CTTNBP2NL: variants seen among roughly 807,000 people sequenced by gnomAD.
The protein encoded by CTTNBP2NL is CTTNBP2 N-terminal like, also known as CTTNBP2 N-terminal-like protein.
Under a neutral mutation model 32.5 loss-of-function variants are expected in CTTNBP2NL, and 16 were observed. The ratio of observed to expected loss-of-function variants is 0.49; its 90% CI spans 0.33 to 0.75. The LOEUF is 0.75. Among genes scored for constraint, CTTNBP2NL ranks in the 30% least tolerant of loss-of-function variants. The pLI, the probability that CTTNBP2NL is intolerant of heterozygous loss-of-function variation, is 0.02. For missense variants in CTTNBP2NL, 645 were observed against 756.0 expected (o/e 0.85, Z 1.72); for synonymous variants, 298 against 289.4 (o/e 1.03, Z -0.30).
intron 1 of CTTNBP2NL, among the ~76,000 whole-genome samples, chr1:112,409,344 T>C (rs1033073462): frequency 4.6e-5 from 7 of 152,132 alleles, no homozygotes; most frequent in African/African-American, 1.2e-4. Context: ...TAAAAAGTGA[T>C]TTTTATCCAG....
chr1:112,406,828 G>C (rs1346776489), intron 1 of CTTNBP2NL, among the ~76,000 whole-genome samples: 1 of 152,096 alleles, frequency 6.6e-6, no homozygotes, highest in Non-Finnish European at 1.5e-5. Context: ...AATGTAAATA[G>C]AGCACTATGT....
At chr1:112,432,356 G>A (rs570894139) in intron 3 of CTTNBP2NL, among the ~76,000 whole-genome samples, 33 of 151,958 alleles carry the variant, frequency 2.2e-4, no homozygotes, top group African/African-American at 6.5e-4. Context: ...CCACCGCGCC[G>A]GGCCTATAGT....
At chr1:112,391,518 T>TA, upstream of CTTNBP2NL, among the ~76,000 whole-genome samples, 1 of 152,160 alleles carries the variant, frequency 6.6e-6, no homozygotes, top group Non-Finnish European at 1.5e-5. Flanking sequence ...CCCAGGTAGC[T>TA]AATACTTCCA....
chr1:112,406,285 A>G (rs191786039), intron 1 of CTTNBP2NL, among the ~76,000 whole-genome samples: 1 of 152,228 alleles, frequency 6.6e-6, no homozygotes, highest in Non-Finnish European at 1.5e-5. Flanking sequence ...GCTGAATTAG[A>G]TTATTGCTGA....
chr1:112,456,443 T>G lies in CTTNBP2NL; in HGVS notation c.951T>G (p.Phe317Leu). Reference protein sequence around the residue: ...LMSVFCQTESFPAERTHGSNI... With the variant: ...LMSVFCQTESLPAERTHGSNI... Reference sequence around the variant, plus strand: ...CTGTGTTTTGCCAAACAGAGAGTTTTCCAGCAGAAAGAACCCATGGGAGCA... The same window carrying G: ...CTGTGTTTTGCCAAACAGAGAGTTTGCCAGCAGAAAGAACCCATGGGAGCA... Residue 317 changes from phenylalanine to leucine, a missense_variant, in exon 6 of 6, where the codon TTT becomes TTG. Physicochemically the swap from Phe to Leu is conservative, Grantham distance 22 (BLOSUM62 0). Transcript: ENST00000271277. The G allele has an allele frequency of 6.2e-7, 1 of 1,614,096 alleles. No individual in the cohort carries two copies. The highest frequency in any genetic ancestry group is 1.1e-5 in the South Asian group (1 of 91,072).
intron 3 of CTTNBP2NL, among the ~76,000 whole-genome samples, chr1:112,443,323 C>G (rs967350779): frequency 1.3e-5 from 2 of 152,198 alleles, no homozygotes; most frequent in Non-Finnish European, 2.9e-5. Context: ...AAGTGATTCT[C>G]GTGCCTCAGC....
At chr1:112,445,603 A>G (rs931452976) in intron 3 of CTTNBP2NL, among the ~76,000 whole-genome samples, 3 of 152,214 alleles carry the variant, frequency 2.0e-5, no homozygotes, top group Non-Finnish European at 4.4e-5. Flanking sequence ...TCTTGAGGTT[A>G]TTCCACAGAT....
intron 2 of CTTNBP2NL, 50 bp downstream of exon 2, chr1:112,412,367 A>G (rs1482741966): frequency 6.6e-6 from 1 of 152,154 alleles, no homozygotes; most frequent in East Asian, 1.9e-4. Context: ...CTAAAATCTA[A>G]TGCAATTTTA....
In CTTNBP2NL at chr1:112,433,158, T is replaced by C. The variant is rs372725253; in HGVS notation, c.100-15784T>C. 2.1e-4 allele frequency among the ~76,000 whole-genome samples: 32 copies of C among 152,330 alleles called. 1 individual carries two copies. In the South Asian group the frequency reaches 6.4e-3, roughly 31 times the overall value. ...CTGTTCAAAATCTACTATAGCACTTTTCATAACTGTATTGAAATAGCATTG... is the reference window on the plus strand; with the variant it reads ...CTGTTCAAAATCTACTATAGCACTTCTCATAACTGTATTGAAATAGCATTG... On this transcript the variant is annotated intron_variant, in intron 3 of 5. Transcript: ENST00000271277.
In CTTNBP2NL at chr1:112,460,114, T is replaced by C. The variant is rs1650505727; in HGVS notation, c.*2702T>C. ...AAAGCTGTTACTGGCCAACAGATTG[T>C]AATGATGTGTACCATATAACACAAG... On this transcript the variant is annotated 3_prime_UTR_variant, in exon 6 of 6. Coordinates refer to ENST00000271277, the MANE Select transcript of CTTNBP2NL (RefSeq NM_018704.3). 6.6e-6 allele frequency: 1 copy of C among 152,274 alleles called. No homozygotes were observed. The highest frequency in any genetic ancestry group is 2.4e-5 in the African/African-American group (1 of 41,476). 9.4% of individuals were successfully genotyped at this position (152,274 alleles called of 1,614,324 possible).
At chr1:112,448,323 A>G (rs1179581674) in intron 3 of CTTNBP2NL, among the ~76,000 whole-genome samples, 1 of 152,248 alleles carries the variant, frequency 6.6e-6, no homozygotes, top group Non-Finnish European at 1.5e-5. Flanking sequence ...GTAATGGTTC[A>G]TATGTACAGG....
chr1:112,413,603 A>G (rs916507510), intron 2 of CTTNBP2NL, among the ~76,000 whole-genome samples: 14 of 152,270 alleles, frequency 9.2e-5, no homozygotes, highest in Middle Eastern at 3.4e-3. Flanking sequence ...TTTCCAATAT[A>G]ACCTCTAATA....
intron 3 of CTTNBP2NL, among the ~76,000 whole-genome samples, chr1:112,418,911 A>G (rs1170873026): frequency 6.6e-6 from 1 of 152,230 alleles, no homozygotes; most frequent in Non-Finnish European, 1.5e-5. Context: ...CGGGTATATT[A>G]CATCTGCACA....
chr1:112,428,991 T>A (rs1309470808), intron 3 of CTTNBP2NL, among the ~76,000 whole-genome samples: 3 of 152,220 alleles, frequency 2.0e-5, no homozygotes, highest in Non-Finnish European at 2.9e-5. Context: ...TATAAAATTC[T>A]AAAAGAATTT....
At chr1:112,441,169 T>C (rs575128307) in intron 3 of CTTNBP2NL, among the ~76,000 whole-genome samples, 4 of 152,310 alleles carry the variant, frequency 2.6e-5, no homozygotes, top group African/African-American at 9.6e-5. Flanking sequence ...AACATTCTTA[T>C]CACACCAGGA....
chr1:112,458,069 G>A lies in CTTNBP2NL; in HGVS notation c.*657G>A, dbSNP rs1182575151. ...ACCCTCCTGAGCACTAAGCAGTTGG[G>A]GTGCTGATTTTCTTGTACTTTTGAA... On this transcript the variant is annotated 3_prime_UTR_variant, in exon 6 of 6. Transcript: ENST00000271277. 6.6e-6 allele frequency: 1 copy of A among 152,518 alleles called. No individual in the cohort carries two copies. The highest frequency in any genetic ancestry group is 1.9e-4 in the East Asian group (1 of 5,190). The allele number at this position is 152,518 out of a possible 1,614,324, so 9.4% of individuals were successfully genotyped here.
At chr1:112,408,763 C>T (rs1648763399) in intron 1 of CTTNBP2NL, among the ~76,000 whole-genome samples, 1 of 152,064 alleles carries the variant, frequency 6.6e-6, no homozygotes, top group Non-Finnish European at 1.5e-5. Context: ...TTTCACATGT[C>T]CATCTTGGCT....
rs201085546 is a variant in CTTNBP2NL, at chr1:112,455,917, C to CTT, written c.439-6_439-5dup. The CTT allele has an allele frequency of 2.1e-4, 329 of 1,548,938 alleles. No individual in the cohort carries two copies. The highest frequency in any genetic ancestry group is 2.8e-4 in the Non-Finnish European group (321 of 1,144,950). On this transcript the variant is annotated splice_polypyrimidine_tract_variant and intron_variant, in intron 5 of 5. Coordinates refer to ENST00000271277, the MANE Select transcript of CTTNBP2NL (RefSeq NM_018704.3). Reference sequence around the variant, plus strand: ...CAGTTTGTCAGTATGTCTCTCTTTTCTTTTTTTTTCTAGTTGGAATTTGAA... The same window carrying CTT: ...CAGTTTGTCAGTATGTCTCTCTTTTCTTTTTTTTTTTCTAGTTGGAATTTGAA...
At chr1:112,413,478 T>C (rs1026867444) in intron 2 of CTTNBP2NL, among the ~76,000 whole-genome samples, 3 of 152,202 alleles carry the variant, frequency 2.0e-5, no homozygotes, top group Non-Finnish European at 4.4e-5. Flanking sequence ...AGCAGCCCTA[T>C]GAGTTAAATA....
Sources: gnomAD v4.1 joint callset for allele counts (sites outside exome capture counted in the v4.1 genomes callset) on GRCh38, gnomAD v4.1.1 for gene constraint, MANE v1.5 for transcripts, NCBI Gene and HGNC (gene_info 2026-07-23, HGNC 2026-07-21) for gene names.